Variants in KIRREL2 observed in about 807,000 individuals in gnomAD.
The protein encoded by KIRREL2 is kin of IRRE-like protein 2.
KIRREL2 carries 56 observed loss-of-function variants against 73.4 expected under a neutral mutation model. That is an observed-to-expected ratio of 0.76 (90% CI 0.62 to 0.95). The LOEUF is 0.95. Ranked by LOEUF, KIRREL2 falls within the 40% of genes least tolerant of loss-of-function variation. The probability of loss-of-function intolerance (pLI) is 0.00; values close to 1 mark genes in which losing one functional copy is unlikely to be tolerated. For synonymous variants in KIRREL2, 407 were observed against 404.0 expected (o/e 1.01, Z -0.09); for missense variants, 896 against 935.0 (o/e 0.96, Z 0.54).
chr19:35,856,968 C>A lies in KIRREL2; in HGVS notation c.-152C>A. On this transcript the variant is annotated 5_prime_UTR_variant, in exon 1 of 15. Coordinates refer to ENST00000360202, the MANE Select transcript of KIRREL2 (RefSeq NM_199180.4). The surrounding 1 kb of genome is among the most constrained non-coding windows in gnomAD (Gnocchi z 5.9). ...CAGAGCGTCAGAGGCTGCGGATGAG[C>A]AGACTTGGAGGACTCCAGGCCAGAG... 1.3e-6 allele frequency: 1 copy of A among 799,114 alleles called. No homozygotes were observed. The highest frequency in any genetic ancestry group is 2.2e-6 in the Non-Finnish European group (1 of 461,868). The allele number at this position is 799,114 out of a possible 1,614,324, so 49.5% of individuals were successfully genotyped here. A position where few individuals can be genotyped will look rare whatever the true frequency, so the allele number is the denominator to read the frequency against.
At chr19:35,857,299 C>G in intron 1 of KIRREL2, 46 bp from the exon 2 acceptor site, 1 of 1,610,644 alleles carries the variant, frequency 6.2e-7, no homozygotes, top group Non-Finnish European at 8.5e-7. Context: ...AATGAGGAGG[C>G]CCCTGAAGGT....
chr19:35,862,171 G>T lies in KIRREL2; in HGVS notation c.1510+147G>T, dbSNP rs73928340. 7,393 of 679,716 alleles carry T rather than the reference G, an allele frequency of 0.011. 428 individuals carry two copies. In the African/African-American group the frequency reaches 0.12, roughly 11 times the overall value. The allele number at this position is 679,716 out of a possible 1,614,324, so 42.1% of individuals were successfully genotyped here. A position where few individuals can be genotyped will look rare whatever the true frequency, so the allele number is the denominator to read the frequency against. ...GGAGTCTCAAAACTGTGGGCTCATT[G>T]ATTCCCAAGACACCCCTCAACCACA... is the stretch of plus-strand genomic sequence containing the variant. On this transcript the variant is annotated intron_variant, in intron 11 of 14. Coordinates refer to ENST00000360202, the MANE Select transcript of KIRREL2 (RefSeq NM_199180.4).
chr19:35,851,421 G>A (rs770784558), upstream of KIRREL2: 25 of 1,612,650 alleles, frequency 1.6e-5, no homozygotes, highest in South Asian at 1.7e-4. Context: ...CGCAGCTTCC[G>A]CTGGTGGCTG....
In KIRREL2 at chr19:35,860,178, G is replaced by A. The variant is rs7252054; in HGVS notation, c.674-119G>A. 1.4e-3 allele frequency: 1,081 copies of A among 760,226 alleles called. 6 individuals are homozygous for A. The highest frequency in any genetic ancestry group is 6.6e-3 in the Middle Eastern group (26 of 3,960). 47.1% of individuals were successfully genotyped at this position (760,226 alleles called of 1,614,324 possible). A position where few individuals can be genotyped will look rare whatever the true frequency, so the allele number is the denominator to read the frequency against. On this transcript the variant is annotated intron_variant, in intron 5 of 14. Coordinates refer to ENST00000360202, the MANE Select transcript of KIRREL2 (RefSeq NM_199180.4). The stretch of plus-strand genomic sequence containing the variant: ...TGAAAGCCCAGACTCCTGGCTCAAA[G>A]GGAGAAGGGGATTAGGGGCCCAGAC...
intron 2 of KIRREL2, among the ~76,000 whole-genome samples, chr19:35,857,736 C>T (rs544233147): frequency 2.6e-5 from 4 of 152,094 alleles, no homozygotes; most frequent in East Asian, 1.9e-4. Flanking sequence ...GTAATCCCAA[C>T]GCTTTGGGAG....
At chr19:35,863,425 T>A (rs955421854) in intron 13 of KIRREL2, among the ~76,000 whole-genome samples, 2 of 100,470 alleles carry the variant, frequency 2.0e-5, no homozygotes, top group African/African-American at 1.7e-4. Context: ...CCTGTCTCCA[T>A]TTTTTTTTTT....
chr19:35,857,839 T>A (rs578082969), intron 2 of KIRREL2, among the ~76,000 whole-genome samples: 67 of 151,790 alleles, frequency 4.4e-4, no homozygotes, highest in African/African-American at 1.5e-3. Flanking sequence ...ATATATATAT[T>A]TTAAACAAAT....
At chr19:35,864,915 C>T (rs533249895) in intron 14 of KIRREL2, among the ~76,000 whole-genome samples, 10 of 152,258 alleles carry the variant, frequency 6.6e-5, no homozygotes, top group Non-Finnish European at 8.8e-5. Context: ...TGTCTGCAGA[C>T]TCTTCCCACA....
At chr19:35,855,926 C>T (rs1973407209), upstream of KIRREL2, 1 of 152,206 alleles carries the variant, frequency 6.6e-6, no homozygotes, top group South Asian at 2.1e-4. Flanking sequence ...ATCAGCGTCT[C>T]AGCCAGCAAA....
At chr19:35,856,684 G>A (rs1281527168), upstream of KIRREL2, 1 of 323,046 alleles carries the variant, frequency 3.1e-6, no homozygotes, top group Non-Finnish European at 5.9e-6. The surrounding 1 kb of genome is among the most constrained non-coding windows in gnomAD (Gnocchi z 5.9). Flanking sequence ...AACCCCGGCA[G>A]GGCGCAGGTG....
chr19:35,860,955 G>A lies in KIRREL2; in HGVS notation c.975G>A (p.Val325=). 1.2e-6 allele frequency: 2 copies of A among 1,613,984 alleles called. No individual in the cohort carries two copies. Among genetic ancestry groups the A allele is most frequent in the Non-Finnish European group, 1.7e-6 (2 of 1,179,998 alleles). ...QAKPEPVSVD[V]GEDASFSCAW... ...AGCCGGAGCCCGTGTCCGTGGACGT[G>A]GGGGAAGACGCTTCCTTCAGCTGCG... Residue 325 remains valine, a synonymous_variant, in exon 8 of 15, where the codon GTG becomes GTA. Transcript: ENST00000360202.
At chr19:35,855,947 A>G (rs569200058), upstream of KIRREL2, 1 of 152,328 alleles carries the variant, frequency 6.6e-6, no homozygotes, top group Non-Finnish European at 1.5e-5. Context: ...GGCCTGAACC[A>G]CCAGTCCCTT....
intron 2 of KIRREL2, 47 bp from the exon 3 acceptor site, chr19:35,858,361 A>C: frequency 6.3e-7 from 1 of 1,593,330 alleles, no homozygotes; most frequent in Non-Finnish European, 8.6e-7. Flanking sequence ...GCCTGAGGCC[A>C]GGATTTCAGA....
At chr19:35,864,518 A>G (rs1233154647) in intron 13 of KIRREL2, 130 bp from the exon 14 acceptor site, 5 of 674,450 alleles carry the variant, frequency 7.4e-6, no homozygotes, top group Non-Finnish European at 1.3e-5. Context: ...TCCTGAGTGC[A>G]GTCCCCAGCT....
upstream of KIRREL2, chr19:35,855,992 C>T (rs1284699416): frequency 6.6e-6 from 1 of 152,382 alleles, no homozygotes; most frequent in Non-Finnish European, 1.5e-5. Flanking sequence ...CTCCCAACCC[C>T]ACTCCCCCAT....
chr19:35,857,348 C>A lies in KIRREL2; in HGVS notation c.65C>A (p.Pro22Gln), dbSNP rs1475548925. 2 of 1,612,260 alleles carry A rather than the reference C, an allele frequency of 1.2e-6. No individual in the cohort carries two copies. Among genetic ancestry groups the A allele is most frequent in the Non-Finnish European group, 1.7e-6 (2 of 1,180,038 alleles). The change falls in exon 2 of 15, where the codon CCG becomes CAG. Residue 22 changes from proline to glutamine, a missense_variant. Pro to Gln is a moderately conservative substitution (Grantham distance 76). Transcript: ENST00000360202. ...LLFCFRGRAG[P>Q]SPHFLQQPED... Reference sequence around the variant, plus strand: ...CTGCTGCCCCGAACTCTCCTAGGCCCGTCGCCCCATTTCCTGCAACAGCCA... The same window carrying A: ...CTGCTGCCCCGAACTCTCCTAGGCCAGTCGCCCCATTTCCTGCAACAGCCA...
At chr19:35,860,816 C>G (rs1373380134) in intron 7 of KIRREL2, 93 bp from the exon 8 acceptor site, 19 of 1,597,680 alleles carry the variant, frequency 1.2e-5, no homozygotes, top group Non-Finnish European at 1.5e-5. Flanking sequence ...TTCTTGCGCC[C>G]TAGAGGGTGT....
Position 35,862,922 on chromosome 19 carries a change from G to GCC in KIRREL2, c.1616-5_1616-4insCC. 1 of 1,544,980 alleles carries GCC rather than the reference G, an allele frequency of 6.5e-7. No individual in the cohort carries two copies. Among genetic ancestry groups the GCC allele is most frequent in the East Asian group, 2.4e-5 (1 of 42,326 alleles). On this transcript the variant is annotated splice_polypyrimidine_tract_variant and splice_region_variant and intron_variant, in intron 12 of 14. Transcript: ENST00000360202. ...CGCTTAACTCCACCGGTCGCTGTTT[G>GCC]TCAGCCTCAGCCTCTTTCTCCGAGC...
In KIRREL2 at chr19:35,860,292, C is replaced by G. The variant is rs1234804117; in HGVS notation, c.674-5C>G. Reference sequence around the variant, plus strand: ...GCCCATCTGACCATTGTCCCACCCTCACAGACCCCCCAGAGGTGACTCTGT... The same window carrying G: ...GCCCATCTGACCATTGTCCCACCCTGACAGACCCCCCAGAGGTGACTCTGT... On this transcript the variant is annotated splice_polypyrimidine_tract_variant and splice_region_variant and intron_variant, in intron 5 of 14. Transcript: ENST00000360202. 1.9e-6 allele frequency: 3 copies of G among 1,612,668 alleles called. No individual in the cohort carries two copies. Among genetic ancestry groups the G allele is most frequent in the Non-Finnish European group, 2.5e-6 (3 of 1,179,088 alleles).
Sources: gnomAD v4.1 joint callset for allele counts (sites outside exome capture counted in the v4.1 genomes callset) on GRCh38, gnomAD v4.1.1 for gene constraint, Gnocchi (gnomAD v3.1) non-coding constraint, MANE v1.5 for transcripts, NCBI Gene and HGNC (gene_info 2026-07-23, HGNC 2026-07-21) for gene names.